Variants in SLC25A48 observed in about 807,000 individuals in gnomAD.
SLC25A48 encodes solute carrier family 25 member 48.
In SLC25A48, 29 loss-of-function variants were observed where a neutral mutation model predicts 32.2. The observed-to-expected ratio is 0.90, with a 90% CI of 0.67 to 1.23. The LOEUF is 1.23. Among genes scored for constraint, SLC25A48 ranks in the 50% most tolerant of loss-of-function variants. The pLI is 0.00. For missense variants in SLC25A48, 399 were observed against 422.7 expected, an observed-to-expected ratio of 0.94 and a Z score of 0.49; for synonymous variants, 164 against 172.3, an observed-to-expected ratio of 0.95 and a Z score of 0.38.
At chr5:135,599,095 G>T (rs1169116346) in intron 1 of SLC25A48, among the ~76,000 whole-genome samples, 1 of 152,124 alleles carries the variant, frequency 6.6e-6, no homozygotes, top group Non-Finnish European at 1.5e-5. Context: ...TTGGCCAAGA[G>T]TGTGACTCAT....
intron 3 of SLC25A48, among the ~76,000 whole-genome samples, chr5:135,660,641 G>A (rs149311316): frequency 6.6e-6 from 1 of 152,028 alleles, no homozygotes; most frequent in Non-Finnish European, 1.5e-5. Context: ...GGTTTTTTTT[G>A]TATAGGAAGT....
At chr5:135,617,768 G>T (rs941871938) in intron 1 of SLC25A48, among the ~76,000 whole-genome samples, 1 of 151,762 alleles carries the variant, frequency 6.6e-6, no homozygotes, top group Non-Finnish European at 1.5e-5. Context: ...AGTTTCCAAA[G>T]TTCCTCTTGT....
chr5:135,883,192 T>C, intron 7 of SLC25A48: 8 of 985,486 alleles, frequency 8.1e-6, no homozygotes, highest in Non-Finnish European at 9.6e-6. Context: ...TCTTCCTTCC[T>C]TCACAATTAC....
At chr5:135,813,567 A>T (rs1324096199) in intron 4 of SLC25A48, among the ~76,000 whole-genome samples, 1 of 152,164 alleles carries the variant, frequency 6.6e-6, no homozygotes, top group East Asian at 1.9e-4. Context: ...TATGACCAGG[A>T]TCTATTATAT....
At chr5:135,774,438 C>T (rs1398856672) in intron 3 of SLC25A48, among the ~76,000 whole-genome samples, 2 of 151,722 alleles carry the variant, frequency 1.3e-5, no homozygotes, top group Non-Finnish European at 2.9e-5. Context: ...GGTGTACAAC[C>T]CGCTTGTGAT....
intron 4 of SLC25A48, among the ~76,000 whole-genome samples, chr5:135,818,093 CT>C (rs1757779885): frequency 7.7e-5 from 11 of 143,502 alleles, no homozygotes; most frequent in African/African-American, 2.2e-4. Context: ...CTCTCTCTCT[CT>C]CTCTCTCTCT....
intron 3 of SLC25A48, among the ~76,000 whole-genome samples, chr5:135,715,677 G>A (rs1053835334): frequency 6.6e-6 from 1 of 152,220 alleles, no homozygotes; most frequent in African/African-American, 2.4e-5. Flanking sequence ...ATTTGTAGGA[G>A]AAAACAAATT....
intron 3 of SLC25A48, among the ~76,000 whole-genome samples, chr5:135,786,136 C>A (rs12654290): frequency 0.26 from 39,781 of 150,430 alleles, 5,407 homozygotes; most frequent in East Asian, 0.44. Flanking sequence ...GGTGGAACAC[C>A]CCCCTTGCTC....
At chr5:135,738,927 C>T (rs1255718262) in intron 3 of SLC25A48, among the ~76,000 whole-genome samples, 1 of 152,128 alleles carries the variant, frequency 6.6e-6, no homozygotes, top group East Asian at 1.9e-4. Flanking sequence ...ACTAAAAATA[C>T]AAAAATTAGC....
intron 4 of SLC25A48, among the ~76,000 whole-genome samples, chr5:135,863,576 C>T (rs961325298): frequency 1.3e-5 from 2 of 152,200 alleles, no homozygotes; most frequent in Admixed American, 6.5e-5. Flanking sequence ...TTATCGAGCT[C>T]ATACCATGTA....
intron 1 of SLC25A48, among the ~76,000 whole-genome samples, chr5:135,588,221 T>C (rs1322954148): frequency 6.6e-6 from 1 of 152,220 alleles, no homozygotes; most frequent in East Asian, 1.9e-4. Flanking sequence ...GATGAAACAT[T>C]TGGGGGCAGT....
intron 4 of SLC25A48, among the ~76,000 whole-genome samples, chr5:135,822,429 G>A (rs1757915957): frequency 2.6e-5 from 4 of 152,138 alleles, no homozygotes; most frequent in African/African-American, 9.7e-5. Context: ...TCTTCTTGGG[G>A]TCTCAGCAGG....
chr5:135,763,019 G>C (rs1278916668), intron 3 of SLC25A48, among the ~76,000 whole-genome samples: 12 of 152,014 alleles, frequency 7.9e-5, no homozygotes, highest in Non-Finnish European at 7.4e-5. Flanking sequence ...CTGTGTGTGA[G>C]AGAGTGAACC....
chr5:135,771,309 C>A (rs537816888), intron 3 of SLC25A48, among the ~76,000 whole-genome samples: 1 of 151,748 alleles, frequency 6.6e-6, no homozygotes, highest in South Asian at 2.1e-4. Context: ...TGATAACACT[C>A]TCCATATCGC....
chr5:135,720,737 A>G (rs1197648300), intron 3 of SLC25A48, among the ~76,000 whole-genome samples: 1 of 152,146 alleles, frequency 6.6e-6, no homozygotes, highest in Non-Finnish European at 1.5e-5. Context: ...GGAAGAGAGG[A>G]ACATAAGCCA....
At chr5:135,727,764 C>T (rs1755121786) in intron 3 of SLC25A48, among the ~76,000 whole-genome samples, 1 of 152,186 alleles carries the variant, frequency 6.6e-6, no homozygotes, top group South Asian at 2.1e-4. Flanking sequence ...CATTGTGTGT[C>T]TCTCGGCCAA....
chr5:135,628,631 G>T (rs1021543381), intron 1 of SLC25A48, among the ~76,000 whole-genome samples: 4 of 152,176 alleles, frequency 2.6e-5, no homozygotes, highest in African/African-American at 9.7e-5. Flanking sequence ...ATCAGTCAAT[G>T]GATGGCAGTG....
At chr5:135,721,450 G>T (rs937252083) in intron 3 of SLC25A48, among the ~76,000 whole-genome samples, 1 of 151,808 alleles carries the variant, frequency 6.6e-6, no homozygotes, top group Admixed American at 6.6e-5. Flanking sequence ...TGACCTGTCC[G>T]CCTAGGTCTC....
chr5:135,621,390 T>C (rs1289417726), intron 1 of SLC25A48, among the ~76,000 whole-genome samples: 3 of 152,200 alleles, frequency 2.0e-5, no homozygotes, highest in Non-Finnish European at 4.4e-5. Flanking sequence ...TCTAAAAGGA[T>C]TTTTGGGAGA....
Sources: gnomAD v4.1 joint callset for allele counts (sites outside exome capture counted in the v4.1 genomes callset) on GRCh38, gnomAD v4.1.1 for gene constraint, MANE v1.5 for transcripts, NCBI Gene and HGNC (gene_info 2026-07-23, HGNC 2026-07-21) for gene names.